The following SSBP1 variants were observed in gnomAD, a reference collection of about 807,000 sequenced individuals.
The protein encoded by SSBP1 is single stranded DNA binding protein 1, also known as single-stranded DNA-binding protein, mitochondrial.
SSBP1 carries 20 observed loss-of-function variants against 27.0 expected under a neutral mutation model. The ratio of observed to expected loss-of-function variants is 0.74; its 90% CI spans 0.52 to 1.08. The LOEUF (loss-of-function observed/expected upper bound fraction) is 1.08, where lower values mean the gene tolerates loss of function less well. SSBP1 is among the 50% of genes least tolerant of loss of function. The pLI, the probability that SSBP1 is intolerant of heterozygous loss-of-function variation, is 0.00. For synonymous variants in SSBP1, 59 were observed against 59.3 expected, an observed-to-expected ratio of 1.00 and a Z score of 0.02; for missense variants, 137 against 182.4, an observed-to-expected ratio of 0.75 and a Z score of 1.44.
chr7:141,747,168 T>C (rs1420092799), intron 6 of SSBP1, among the ~76,000 whole-genome samples: 2 of 152,154 alleles, frequency 1.3e-5, no homozygotes, highest in South Asian at 2.1e-4. Context: ...TGTATTTAAA[T>C]TATATTGGAA....
intron 6 of SSBP1, among the ~76,000 whole-genome samples, chr7:141,749,795 G>C (rs1211663106): frequency 6.6e-6 from 1 of 152,054 alleles, no homozygotes; most frequent in Non-Finnish European, 1.5e-5. Context: ...AAAACAAAAA[G>C]TTATTCTGTA....
At chr7:141,743,059 T>C (rs186723624) in intron 3 of SSBP1, among the ~76,000 whole-genome samples, 43 of 152,358 alleles carry the variant, frequency 2.8e-4, no homozygotes, top group East Asian at 9.6e-4. Flanking sequence ...TTCACCGTGT[T>C]AGCCAGCATG....
intron 6 of SSBP1, among the ~76,000 whole-genome samples, chr7:141,748,823 A>G (rs1799872887): frequency 6.6e-6 from 1 of 152,122 alleles, no homozygotes; most frequent in South Asian, 2.1e-4. Flanking sequence ...TAGGGATCCT[A>G]TCTGTAACTA....
In SSBP1 at chr7:141,742,974, C is replaced by T. The variant is rs955433976; in HGVS notation, c.86-587C>T. The stretch of plus-strand genomic sequence containing the variant: ...GGTTCATGCCATTCTCCTGCCTCAG[C>T]CTTCCAAGTAGCTGGGACTACAGGC... On this transcript the variant is annotated intron_variant, in intron 3 of 6. Coordinates refer to ENST00000265304, the MANE Select transcript of SSBP1 (RefSeq NM_003143.3). Among the ~76,000 whole-genome samples, 4 of 152,188 alleles carry T rather than the reference C, an allele frequency of 2.6e-5. No individual in the cohort carries two copies. In the East Asian group the frequency reaches 7.7e-4, roughly 29 times the overall value.
chr7:141,747,590 A>G (rs1024136673), intron 6 of SSBP1, among the ~76,000 whole-genome samples: 5 of 151,654 alleles, frequency 3.3e-5, no homozygotes, highest in Non-Finnish European at 7.4e-5. Flanking sequence ...GGGTTTCACC[A>G]TATTGGCCAG....
At chr7:141,740,458 A>G (rs969612703) in intron 2 of SSBP1, 1 of 152,208 alleles carries the variant, frequency 6.6e-6, no homozygotes, top group Middle Eastern at 3.2e-3. Context: ...CATTGGTGTC[A>G]AGGGCCCTGG....
intron 5 of SSBP1, 78 bp from the exon 6 acceptor site, chr7:141,745,418 A>G: frequency 1.6e-6 from 2 of 1,225,306 alleles, no homozygotes; most frequent in Non-Finnish European, 2.3e-6. Context: ...CTTGTCATAT[A>G]CTCAGTACCA....
In SSBP1 at chr7:141,743,598, G is replaced by A; in HGVS notation, c.123G>A (p.Gln41=). ...NRVHLLGRVG[Q]DPVLRQVEGK... ...TGCACTTACTTGGGCGAGTGGGTCA[G>A]GACCCTGTCTTGAGACAGGTGGAAG... The change falls in exon 4 of 7, where the codon CAG becomes CAA. Residue 41 remains glutamine (Q), a synonymous_variant. Coordinates refer to ENST00000265304, the MANE Select transcript of SSBP1 (RefSeq NM_003143.3). 6.2e-7 allele frequency: 1 copy of A among 1,614,160 alleles called. No individual in the cohort carries two copies. Among genetic ancestry groups the A allele is most frequent in the Non-Finnish European group, 8.5e-7 (1 of 1,180,034 alleles).
intron 6 of SSBP1, 90 bp downstream of exon 6, chr7:141,745,674 G>A (rs577698363): frequency 4.6e-5 from 72 of 1,549,794 alleles, no homozygotes; most frequent in Admixed American, 2.0e-4. Context: ...AGGGTTAAGA[G>A]TACCAGTACT....
intron 3 of SSBP1, among the ~76,000 whole-genome samples, chr7:141,743,284 A>G (rs560467128): frequency 6.6e-6 from 1 of 152,328 alleles, no homozygotes; most frequent in African/African-American, 2.4e-5. Flanking sequence ...TGCCAGTATG[A>G]TTGAGCTCTT....
intron 2 of SSBP1, chr7:141,741,875 C>A: frequency 3.4e-6 from 3 of 878,658 alleles, no homozygotes; most frequent in Non-Finnish European, 4.4e-6. Flanking sequence ...TGTGCAAACA[C>A]AGAAGTGCCA....
intron 6 of SSBP1, among the ~76,000 whole-genome samples, chr7:141,749,939 A>G (rs182433229): frequency 2.6e-4 from 39 of 152,314 alleles, no homozygotes; most frequent in Admixed American, 2.0e-3. Flanking sequence ...AGAATGTGAT[A>G]CACTTTTGTC....
At chr7:141,741,827 G>A (rs1445788931) in intron 2 of SSBP1, 1 of 1,021,910 alleles carries the variant, frequency 9.8e-7, no homozygotes, top group Non-Finnish European at 1.2e-6. Context: ...ATCATACTCT[G>A]TAATGTTAAA....
intron 6 of SSBP1, among the ~76,000 whole-genome samples, chr7:141,748,408 C>T (rs1436886803): frequency 6.6e-6 from 1 of 152,110 alleles, no homozygotes; most frequent in Admixed American, 6.5e-5. Context: ...TTTCTTCTTT[C>T]CTTTGCTCCA....
chr7:141,747,470 A>G (rs909599793), intron 6 of SSBP1, among the ~76,000 whole-genome samples: 11 of 147,152 alleles, frequency 7.5e-5, no homozygotes, highest in East Asian at 2.1e-4. Context: ...GCTCACTGCA[A>G]CCTTCGCCTC....
intron 5 of SSBP1, among the ~76,000 whole-genome samples, chr7:141,745,009 A>T (rs762175596): frequency 2.5e-4 from 38 of 152,336 alleles, no homozygotes; most frequent in Middle Eastern, 3.4e-3. Flanking sequence ...AAGCTGATAC[A>T]GTGTAGAAAT....
intron 6 of SSBP1, among the ~76,000 whole-genome samples, chr7:141,749,262 A>G (rs1280346766): frequency 1.3e-5 from 2 of 152,234 alleles, no homozygotes; most frequent in Non-Finnish European, 2.9e-5. Flanking sequence ...TTACTATACC[A>G]TTTTATATCA....
intron 6 of SSBP1, chr7:141,745,902 A>G (rs1352417215): frequency 4.7e-6 from 5 of 1,060,300 alleles, no homozygotes; most frequent in East Asian, 6.9e-5. Flanking sequence ...GGAAGGATCT[A>G]GCCCTAACCA....
At chr7:141,742,565 T>C (rs1342380222) in intron 3 of SSBP1, among the ~76,000 whole-genome samples, 2 of 152,208 alleles carry the variant, frequency 1.3e-5, no homozygotes, top group Non-Finnish European at 2.9e-5. Context: ...AAATATTCCC[T>C]TGTGTTTATA....
Sources: allele counts gnomAD v4.1 joint callset (sites outside exome capture counted in the v4.1 genomes callset), GRCh38; gene constraint gnomAD v4.1.1; transcripts MANE v1.5; gene names NCBI Gene and HGNC (gene_info 2026-07-23, HGNC 2026-07-21).